Variants in ZDHHC20 observed in about 807,000 individuals in gnomAD.
ZDHHC20 encodes the protein palmitoyltransferase ZDHHC20.
A neutral mutation model predicts 57.8 loss-of-function variants in ZDHHC20; 43 were observed. The observed-to-expected ratio is 0.74, with a 90% CI of 0.58 to 0.96. The LOEUF is 0.96. Among genes scored for constraint, ZDHHC20 ranks in the 40% least tolerant of loss-of-function variants. The pLI is 0.00. For synonymous variants in ZDHHC20, 157 were observed against 153.0 expected (o/e 1.03, Z -0.19); for missense variants, 391 against 441.1 (o/e 0.89, Z 1.02).
intron 11 of ZDHHC20, among the ~76,000 whole-genome samples, 162 bp downstream of exon 11, chr13:21,381,272 T>C (rs1253013089): frequency 1.3e-5 from 2 of 152,076 alleles, no homozygotes; most frequent in Admixed American, 6.5e-5. Flanking sequence ...TCCCAAAGTG[T>C]TGGGATTACA....
At chr13:21,430,539 C>CA (rs2137952208) in intron 1 of ZDHHC20, among the ~76,000 whole-genome samples, 1 of 151,980 alleles carries the variant, frequency 6.6e-6, no homozygotes, top group South Asian at 2.1e-4. Flanking sequence ...GCTGGGCAAG[C>CA]AGGAGAGGTC....
chr13:21,454,209 C>T (rs1015504378), intron 1 of ZDHHC20, among the ~76,000 whole-genome samples: 1 of 152,024 alleles, frequency 6.6e-6, no homozygotes, highest in African/African-American at 2.4e-5. Flanking sequence ...GCCTATAATC[C>T]CAGCTACTCA....
chr13:21,382,459 T>C (rs1873593496), intron 10 of ZDHHC20, among the ~76,000 whole-genome samples: 1 of 152,084 alleles, frequency 6.6e-6, no homozygotes, highest in Admixed American at 6.6e-5. Context: ...ATGGGAAAAT[T>C]TCCTCTAAGA....
At chr13:21,414,572 C>A (rs374969712) in intron 3 of ZDHHC20, among the ~76,000 whole-genome samples, 1 of 134,262 alleles carries the variant, frequency 7.4e-6, no homozygotes, top group Non-Finnish European at 1.6e-5. Flanking sequence ...GAGGTTTCAC[C>A]GTGTTAGCCA....
At chr13:21,394,600 C>CT (rs546161918) in intron 7 of ZDHHC20, among the ~76,000 whole-genome samples, 116 of 152,184 alleles carry the variant, frequency 7.6e-4, no homozygotes, top group African/African-American at 2.6e-3. Flanking sequence ...GTTTACAAGT[C>CT]TTTTTTTACT....
rs904974108 is a variant in ZDHHC20, at chr13:21,459,266, T to C, written c.-95A>G. On this transcript the variant is annotated 5_prime_UTR_variant, in exon 1 of 13. Transcript: ENST00000400590. ...CTCGGACGCTCCAGGCGGCTGCTGG[T>C]CCAGCTCCCCCGCCTCCGAGGCAGG... is the stretch of plus-strand genomic sequence containing the variant. The C allele has an allele frequency of 5.4e-6, 5 of 931,092 alleles. No homozygotes were observed. The African/African-American group carries it at 7.0e-5, about 13-fold the overall frequency. The allele number at this position is 931,092 out of a possible 1,614,324, so 57.7% of individuals were successfully genotyped here. A position where few individuals can be genotyped will look rare whatever the true frequency, so the allele number is the denominator to read the frequency against.
chr13:21,437,340 T>C (rs997365424), intron 1 of ZDHHC20, among the ~76,000 whole-genome samples: 2 of 152,212 alleles, frequency 1.3e-5, no homozygotes, highest in African/African-American at 4.8e-5. Flanking sequence ...AAGGTAGCTA[T>C]ATTAGTCCAT....
intron 1 of ZDHHC20, among the ~76,000 whole-genome samples, chr13:21,427,834 CAAAAAA>C (rs755599024): frequency 3.2e-5 from 3 of 92,526 alleles, no homozygotes; most frequent in African/African-American, 9.4e-5. Context: ...GACTCTGTTT[CAAAAAA>C]AAAAAAAAAA....
chr13:21,377,783 G>A (rs1872498661), intron 12 of ZDHHC20: 1 of 153,666 alleles, frequency 6.5e-6, no homozygotes, highest in South Asian at 1.9e-4. Context: ...AAGCCCACAA[G>A]TGAGGAAACA....
intron 3 of ZDHHC20, 135 bp from the exon 4 acceptor site, chr13:21,413,907 A>G: frequency 1.9e-6 from 1 of 520,830 alleles, no homozygotes; most frequent in South Asian, 2.5e-5. Context: ...AAAAAAAAGC[A>G]GATAAATCAA....
intron 1 of ZDHHC20, among the ~76,000 whole-genome samples, chr13:21,448,687 T>G (rs372399332): frequency 1.1e-5 from 1 of 93,314 alleles, no homozygotes; most frequent in East Asian, 2.3e-4. Context: ...AGGAGCCCCT[T>G]TGCCCGGCCA....
chr13:21,390,570 C>T (rs1186801285), intron 8 of ZDHHC20, among the ~76,000 whole-genome samples: 2 of 152,078 alleles, frequency 1.3e-5, no homozygotes, highest in Non-Finnish European at 2.9e-5. Flanking sequence ...GAACATATGC[C>T]AGTTAAATGT....
At chr13:21,410,067 T>C (rs1200493763) in intron 4 of ZDHHC20, among the ~76,000 whole-genome samples, 1 of 152,200 alleles carries the variant, frequency 6.6e-6, no homozygotes, top group Non-Finnish European at 1.5e-5. Flanking sequence ...ATGGGGTTTT[T>C]TTGTGGTCAT....
chr13:21,411,321 A>C (rs1490423422), intron 4 of ZDHHC20, among the ~76,000 whole-genome samples: 1 of 152,124 alleles, frequency 6.6e-6, no homozygotes, highest in African/African-American at 2.4e-5. Flanking sequence ...TCTTGCCCCG[A>C]TTGACCGAGT....
At chr13:21,396,288 C>T (rs1422565569) in intron 7 of ZDHHC20, among the ~76,000 whole-genome samples, 2 of 152,146 alleles carry the variant, frequency 1.3e-5, no homozygotes, top group Non-Finnish European at 2.9e-5. Flanking sequence ...CATTGTAAAA[C>T]ACCTTCAAAA....
intron 11 of ZDHHC20, 32 bp downstream of exon 11, chr13:21,381,402 G>T: frequency 6.7e-7 from 1 of 1,498,128 alleles, no homozygotes; most frequent in Non-Finnish European, 9.3e-7. Context: ...ATTTGAACCA[G>T]ACAAAGCAGT....
chr13:21,381,554 A>G lies in ZDHHC20; in HGVS notation c.945-5T>C. The G allele has an allele frequency of 6.3e-7, 1 of 1,596,862 alleles. No individual in the cohort carries two copies. Among genetic ancestry groups the G allele is most frequent in the Non-Finnish European group, 8.6e-7 (1 of 1,165,146 alleles). On this transcript the variant is annotated splice_region_variant and splice_polypyrimidine_tract_variant and intron_variant, in intron 10 of 12. Transcript: ENST00000400590. ...AAAGGTTGATTTGAGCCACTACTGAAAAGAAGAGCAAACAACTTAGTAAAC... is the reference window on the plus strand; with the variant it reads ...AAAGGTTGATTTGAGCCACTACTGAGAAGAAGAGCAAACAACTTAGTAAAC...
rs116177092 is a variant in ZDHHC20, at chr13:21,431,874, A to G, written c.119-6196T>C. The stretch of plus-strand genomic sequence containing the variant: ...TACAAATCTTGATATGTGTGTGCCA[A>G]TATTTTCTCCTAGGCCATAACTTGC... On this transcript the variant is annotated intron_variant, in intron 1 of 12. Coordinates refer to ENST00000400590, the MANE Select transcript of ZDHHC20 (RefSeq NM_001330059.2). 7.0e-3 allele frequency among the ~76,000 whole-genome samples: 1,065 copies of G among 152,262 alleles called. 16 individuals carry two copies. Among genetic ancestry groups the G allele is most frequent in the African/African-American group, 0.024 (977 of 41,550 alleles).
At chr13:21,441,214 G>C (rs1593271231) in intron 1 of ZDHHC20, among the ~76,000 whole-genome samples, 1 of 152,132 alleles carries the variant, frequency 6.6e-6, no homozygotes, top group Admixed American at 6.5e-5. Context: ...GAATTATTCT[G>C]TCTATGAACG....
Sources: allele counts gnomAD v4.1 joint callset (sites outside exome capture counted in the v4.1 genomes callset), GRCh38; gene constraint gnomAD v4.1.1; transcripts MANE v1.5; gene names NCBI Gene and HGNC (gene_info 2026-07-23, HGNC 2026-07-21).